Variants in GPR19 observed in about 807,000 individuals in gnomAD.
GPR19 encodes G protein-coupled receptor 19.
A neutral mutation model predicts 28.5 loss-of-function variants in GPR19; 14 were observed. The observed-to-expected ratio is 0.49, with a 90% CI of 0.32 to 0.77. GPR19 has a LOEUF of 0.77. GPR19 is among the 30% of genes least tolerant of loss of function. The pLI, the probability that GPR19 is intolerant of heterozygous loss-of-function variation, is 0.03. For synonymous variants in GPR19, 173 were observed against 184.1 expected (o/e 0.94, Z 0.49); for missense variants, 409 against 504.1 (o/e 0.81, Z 1.81).
rs1448328744 is a variant in GPR19, at chr12:12,662,000, C to T, written c.449G>A (p.Gly150Asp). 13 of 1,614,192 alleles carry T rather than the reference C, an allele frequency of 8.1e-6. No individual in the cohort carries two copies. Among genetic ancestry groups the T allele is most frequent in the Admixed American group, 1.7e-5 (1 of 60,028 alleles). Residue 150 changes from glycine to aspartate, a missense_variant, in exon 4 of 4, where the codon GGT (glycine) becomes GAT (aspartate). Transcript: ENST00000651487. The surrounding 1 kb of genome is among the most constrained non-coding windows in gnomAD (Gnocchi z 4.2). ...VVRYFQYLTPGVQIYVLLSIC... is the reference protein window; with the variant it reads ...VVRYFQYLTPDVQIYVLLSIC... The stretch of plus-strand genomic sequence containing the variant: ...GGAGAGGAGAACGTAGATCTGGACA[C>T]CTGGAGTGAGATATTGAAAATATCG...
At chr12:12,684,133 A>G (rs1946060042) in intron 3 of GPR19, 1 of 152,182 alleles carries the variant, frequency 6.6e-6, no homozygotes. Flanking sequence ...AATTATCACT[A>G]TACACAATTT....
In GPR19 at chr12:12,687,105, A is replaced by C. The variant is rs1946109019; in HGVS notation, c.-179-2598T>G. Reference sequence around the variant, plus strand: ...CCACAATACTTGTGCAACTGGGGTAATATTTTGAACATGAGTAATGTGATC... The same window carrying C: ...CCACAATACTTGTGCAACTGGGGTACTATTTTGAACATGAGTAATGTGATC... On this transcript the variant is annotated intron_variant, in intron 2 of 3. Transcript: ENST00000651487. Among the ~76,000 whole-genome samples, 3 of 152,200 alleles carry C rather than the reference A, an allele frequency of 2.0e-5. No homozygotes were observed. The South Asian group carries it at 6.2e-4, about 32-fold the overall frequency.
At chr12:12,695,276 G>A (rs1471741861) in intron 2 of GPR19, among the ~76,000 whole-genome samples, 183 bp downstream of exon 2, 1 of 152,188 alleles carries the variant, frequency 6.6e-6, no homozygotes, top group African/African-American at 2.4e-5. Context: ...GAGGCTAGAG[G>A]CTAGAAGTAT....
At chr12:12,696,698 G>A (rs1446478019), upstream of GPR19, among the ~76,000 whole-genome samples, 1 of 152,256 alleles carries the variant, frequency 6.6e-6, no homozygotes, top group African/African-American at 2.4e-5. Context: ...CCTGCGCGGC[G>A]GTTTGTTTAC....
In GPR19 at chr12:12,661,109, A is replaced by G; in HGVS notation, c.*92T>C. ...TTACAAAATAAAACATTTCCCTTGGAAAGTTGAGTGAAAACAAATATGTAA... is the reference window on the plus strand; with the variant it reads ...TTACAAAATAAAACATTTCCCTTGGGAAGTTGAGTGAAAACAAATATGTAA... On this transcript the variant is annotated 3_prime_UTR_variant, in exon 4 of 4. Transcript: ENST00000651487. This position sits in a 1 kb window ranked among gnomAD's most constrained non-coding sequence, Gnocchi z 4.2. 2.3e-6 allele frequency: 2 copies of G among 865,954 alleles called. No individual in the cohort carries two copies. The highest frequency in any genetic ancestry group is 3.5e-6 in the Non-Finnish European group (2 of 579,586). The allele number at this position is 865,954 out of a possible 1,614,324, so 53.6% of individuals were successfully genotyped here. A position where few individuals can be genotyped will look rare whatever the true frequency, so the allele number is the denominator to read the frequency against.
rs1409284581 is a variant in GPR19 at position 12,661,511 on chromosome 12, G to A, written c.938C>T (p.Thr313Ile). ...ACTAAAGGATATCCATGTGATAGCT[G>A]TGAAAACAAGGGAACTTTTCTTATA... ...QDYKKSSLVF[T>I]AITWISFSSS... The change falls in exon 4 of 4, where the codon ACA becomes ATA. Residue 313 changes from threonine to isoleucine, a missense_variant. Thr to Ile is a moderately conservative substitution (Grantham distance 89, BLOSUM62 -1). Transcript: ENST00000651487. This position sits in a 1 kb window ranked among gnomAD's most constrained non-coding sequence, Gnocchi z 4.2. 9 of 1,613,194 alleles carry A rather than the reference G, an allele frequency of 5.6e-6. No homozygotes were observed. Among genetic ancestry groups the A allele is most frequent in the Non-Finnish European group, 7.6e-6 (9 of 1,179,258 alleles).
intron 3 of GPR19, among the ~76,000 whole-genome samples, chr12:12,664,730 C>T (rs961041213): frequency 6.6e-6 from 1 of 151,804 alleles, no homozygotes; most frequent in Non-Finnish European, 1.5e-5. Context: ...ACTATCCTGG[C>T]TAACACAGTG....
At chr12:12,710,398 C>T in the GPR19 span, among the ~76,000 whole-genome samples, 7 of 151,924 alleles carry the variant, frequency 4.6e-5, no homozygotes, top group Non-Finnish European at 1.0e-4. Context: ...TTCCTGTACC[C>T]GTGTAACTGT....
At chr12:12,674,209 CAAAAAAAAAAA>C (rs35775784) in intron 3 of GPR19, among the ~76,000 whole-genome samples, 1 of 53,996 alleles carries the variant, frequency 1.9e-5, no homozygotes, top group Non-Finnish European at 3.2e-5. Flanking sequence ...GACTTTGTCT[CAAAAAAAAAAA>C]AAAAAAAAAA....
At chr12:12,716,760 A>C in the GPR19 span, 1 of 985,288 alleles carries the variant, frequency 1.0e-6, no homozygotes, top group Non-Finnish European at 1.2e-6. Context: ...CTCCCCAGGG[A>C]TGGCAGAAAC....
chr12:12,668,298 TAATA>T (rs1945810249), intron 3 of GPR19, among the ~76,000 whole-genome samples: 1 of 152,332 alleles, frequency 6.6e-6, no homozygotes, highest in African/African-American at 2.4e-5. Context: ...GGTATTATGT[TAATA>T]AATCTTTAAC....
chr12:12,669,646 T>C (rs1032949289), intron 3 of GPR19, among the ~76,000 whole-genome samples: 2 of 152,158 alleles, frequency 1.3e-5, no homozygotes, highest in South Asian at 2.1e-4. Flanking sequence ...GAAGCAGCCA[T>C]GGTAGGAGTA....
At position 12,671,349 on chromosome 12, in the gene GPR19, A is replaced by G. The variant is rs971102831; in HGVS notation, c.-22-8879T>C. 3.3e-5 allele frequency among the ~76,000 whole-genome samples: 5 copies of G among 151,984 alleles called. No homozygotes were observed. In the South Asian group the frequency reaches 1.0e-3, roughly 32 times the overall value. The stretch of plus-strand genomic sequence containing the variant: ...TCCATTAGATATTTTAAATAATTGC[A>G]AAAGAACCTCACACCAATGAAAACA... On this transcript the variant is annotated intron_variant, in intron 3 of 3. Coordinates refer to ENST00000651487, the MANE Select transcript of GPR19 (RefSeq NM_006143.3).
At chr12:12,712,443 T>C in the GPR19 span, among the ~76,000 whole-genome samples, 1 of 152,330 alleles carries the variant, frequency 6.6e-6, no homozygotes, top group Non-Finnish European at 1.5e-5. Context: ...TAAAGCTCCA[T>C]CAGTTCGCAG....
At chr12:12,701,751 C>A in the GPR19 span, among the ~76,000 whole-genome samples, 1 of 151,862 alleles carries the variant, frequency 6.6e-6, no homozygotes, top group Non-Finnish European at 1.5e-5. Flanking sequence ...AGCAACATGG[C>A]GAAATCCTGG....
chr12:12,710,865 A>G, the GPR19 span, among the ~76,000 whole-genome samples: 1 of 152,158 alleles, frequency 6.6e-6, no homozygotes, highest in African/African-American at 2.4e-5. Flanking sequence ...TAAGGGACAT[A>G]CCTTTTCATT....
chr12:12,676,079 A>C (rs7960883), intron 3 of GPR19, among the ~76,000 whole-genome samples: 144,014 of 152,284 alleles, frequency 0.95, 68,609 homozygotes, highest in East Asian at 1. Context: ...TCACCTTCTA[A>C]TACCCTACTA....
At chr12:12,685,018 T>C (rs1036580852) in intron 2 of GPR19, 1 of 152,188 alleles carries the variant, frequency 6.6e-6, no homozygotes, top group Non-Finnish European at 1.5e-5. Flanking sequence ...CCTCTTCAAG[T>C]GCTTGTTAAA....
intron 2 of GPR19, among the ~76,000 whole-genome samples, chr12:12,689,710 C>T (rs1327300973): frequency 6.6e-6 from 1 of 152,106 alleles, no homozygotes; most frequent in Non-Finnish European, 1.5e-5. Flanking sequence ...GATGTGAAAC[C>T]TAATCCACCT....
Sources: gnomAD v4.1 joint callset for allele counts (sites outside exome capture counted in the v4.1 genomes callset) on GRCh38, gnomAD v4.1.1 for gene constraint, Gnocchi (gnomAD v3.1) non-coding constraint, MANE v1.5 for transcripts, NCBI Gene and HGNC (gene_info 2026-07-23, HGNC 2026-07-21) for gene names.